Variants in HRH2 observed in about 807,000 individuals in gnomAD.
HRH2 encodes the protein histamine receptor H2.
A neutral mutation model predicts 20.1 loss-of-function variants in HRH2; 4 were observed. The ratio of observed to expected loss-of-function variants is 0.20; its 90% CI spans 0.10 to 0.45. The LOEUF is 0.45. Among genes scored for constraint, HRH2 ranks in the 20% least tolerant of loss-of-function variants. The probability of loss-of-function intolerance (pLI) is 0.99; values close to 1 mark genes in which losing one functional copy is unlikely to be tolerated. For synonymous variants in HRH2, 197 were observed against 200.7 expected (o/e 0.98, Z 0.16); for missense variants, 250 against 461.6 (o/e 0.54, Z 4.20).
rs905449968 is a variant in HRH2 at position 175,693,003 on chromosome 5, A to G, written c.1076+8694A>G. Among the ~76,000 whole-genome samples the G allele has an allele frequency of 1.6e-4, 24 of 152,336 alleles. No individual in the cohort carries two copies. The highest frequency in any genetic ancestry group is 4.6e-4 in the African/African-American group (19 of 41,588). On this transcript the variant is annotated intron_variant, in intron 2 of 2. Coordinates refer to ENST00000636584, the MANE Select transcript of HRH2 (RefSeq NM_001367711.1). This position sits in a 1 kb window ranked among gnomAD's most constrained non-coding sequence, Gnocchi z 4.4. ...CAGGCTGGGCATAGGGCGGGACTGCAGAGAGAGCCCCAGCCATGGGGAGAG... is the reference window on the plus strand; with the variant it reads ...CAGGCTGGGCATAGGGCGGGACTGCGGAGAGAGCCCCAGCCATGGGGAGAG...
intron 1 of HRH2, among the ~76,000 whole-genome samples, chr5:175,660,068 C>T (rs1238667109): frequency 6.6e-6 from 1 of 152,190 alleles, no homozygotes; most frequent in Non-Finnish European, 1.5e-5. Context: ...TGATGATTAA[C>T]TACTGACCCT....
intron 1 of HRH2, among the ~76,000 whole-genome samples, chr5:175,673,501 G>A (rs552081845): frequency 5.3e-4 from 80 of 152,196 alleles, no homozygotes; most frequent in Non-Finnish European, 9.0e-4. Flanking sequence ...AAAGCAGGTC[G>A]GCGGCTGCCA....
At chr5:175,700,731 A>G (rs922200043) in intron 2 of HRH2, among the ~76,000 whole-genome samples, 1 of 152,068 alleles carries the variant, frequency 6.6e-6, no homozygotes, top group South Asian at 2.1e-4. Flanking sequence ...TAAAAATAAT[A>G]AAAAAAATTA....
At chr5:175,701,862 C>G (rs114034781) in intron 2 of HRH2, among the ~76,000 whole-genome samples, 2,424 of 152,308 alleles carry the variant, frequency 0.016, 69 homozygotes, top group African/African-American at 0.055. Context: ...TTATACACAC[C>G]TAGAACCCCG....
intron 1 of HRH2, among the ~76,000 whole-genome samples, chr5:175,676,248 C>A (rs1341730208): frequency 6.6e-6 from 1 of 152,252 alleles, no homozygotes; most frequent in African/African-American, 2.4e-5. Context: ...GTTTTCCAGA[C>A]CCAAGAAAAT....
At chr5:175,667,017 C>CATATATATATATATATATATATATATAT (rs143167989) in intron 1 of HRH2, among the ~76,000 whole-genome samples, 8 of 150,392 alleles carry the variant, frequency 5.3e-5, no homozygotes, top group African/African-American at 2.0e-4. Context: ...CAAATAAAGG[C>CATATATATATATATATATATATATATAT]ATATATATAT....
Position 175,683,606 on chromosome 5 carries a change from C to A in HRH2, c.373C>A (p.Arg125=). 1 of 1,614,224 alleles carries A rather than the reference C, an allele frequency of 6.2e-7. No homozygotes were observed. Among genetic ancestry groups the A allele is most frequent in the Non-Finnish European group, 8.5e-7 (1 of 1,180,050 alleles). ...DRYCAVMDPL[R]YPVLVTPVRV... Reference sequence around the variant, plus strand: ...GTACTGCGCTGTCATGGACCCACTGCGGTACCCTGTGCTGGTCACCCCAGT... The same window carrying A: ...GTACTGCGCTGTCATGGACCCACTGAGGTACCCTGTGCTGGTCACCCCAGT... Residue 125 remains arginine, a synonymous_variant, in exon 2 of 3, where the codon CGG becomes AGG. Coordinates refer to ENST00000636584, the MANE Select transcript of HRH2 (RefSeq NM_001367711.1).
intron 1 of HRH2, among the ~76,000 whole-genome samples, chr5:175,664,290 T>G (rs1374415985): frequency 1.3e-5 from 2 of 152,192 alleles, no homozygotes; most frequent in African/African-American, 4.8e-5. Flanking sequence ...ATTCACACAT[T>G]CAGTCACTCA....
At position 175,709,957 on chromosome 5, in the gene HRH2, T is replaced by A. The variant is rs1757046673; in HGVS notation, c.*1986T>A. On this transcript the variant is annotated 3_prime_UTR_variant, in exon 3 of 3. Transcript: ENST00000636584. ...TCTGGCCCTGCTGTTCTTTTCCTTT[T>A]AGTTTGATTAACTCACTCTGCCCAT... is the stretch of plus-strand genomic sequence containing the variant. 6.6e-6 allele frequency: 1 copy of A among 152,618 alleles called. No individual in the cohort carries two copies. The highest frequency in any genetic ancestry group is 2.4e-5 in the African/African-American group (1 of 41,482). 9.5% of individuals were successfully genotyped at this position (152,618 alleles called of 1,614,324 possible).
chr5:175,683,276 A>G lies in HRH2; in HGVS notation c.43A>G (p.Thr15Ala), dbSNP rs746076760. Reference protein sequence around the residue: ...GTASSFCLDSTACKITITVVL... With the variant: ...GTASSFCLDSAACKITITVVL... ...AGCCTCTTCCTTTTGCCTGGACTCTACCGCATGCAAGATCACCATCACCGT... is the reference window on the plus strand; with the variant it reads ...AGCCTCTTCCTTTTGCCTGGACTCTGCCGCATGCAAGATCACCATCACCGT... The change falls in exon 2 of 3, where the codon ACC (threonine) becomes GCC (alanine). Residue 15 changes from threonine (T) to alanine (A), a missense_variant. By Grantham distance (58) the Thr-to-Ala change is moderately conservative (BLOSUM62 0). Around this residue, in one of 5 missense-constraint regions of HRH2, gnomAD observed 24 missense variants for 22.9 expected, o/e 1.05. Transcript: ENST00000636584. 1.2e-6 allele frequency: 2 copies of G among 1,614,114 alleles called. No individual in the cohort carries two copies. Among genetic ancestry groups the G allele is most frequent in the Non-Finnish European group, 8.5e-7 (1 of 1,180,030 alleles).
At chr5:175,700,800 A>C (rs1017007285) in intron 2 of HRH2, among the ~76,000 whole-genome samples, 1 of 152,182 alleles carries the variant, frequency 6.6e-6, no homozygotes, top group Non-Finnish European at 1.5e-5. Flanking sequence ...AGGGAAGAGA[A>C]TTGCTTGAAC....
intron 2 of HRH2, among the ~76,000 whole-genome samples, chr5:175,698,330 T>C (rs1180426118): frequency 1.3e-5 from 2 of 152,218 alleles, no homozygotes; most frequent in Admixed American, 6.5e-5. Flanking sequence ...GGAAGCAGCA[T>C]GTCACAGTGG....
intron 2 of HRH2, among the ~76,000 whole-genome samples, chr5:175,701,235 A>G (rs899130837): frequency 1.3e-5 from 2 of 152,216 alleles, no homozygotes; most frequent in Admixed American, 1.3e-4. Context: ...TGAACATATT[A>G]TAACACGGTC....
chr5:175,692,115 T>C (rs1385356836), intron 2 of HRH2, among the ~76,000 whole-genome samples: 1 of 152,188 alleles, frequency 6.6e-6, no homozygotes. Flanking sequence ...TAGAAAGCTT[T>C]TCCTGCAAAG....
At chr5:175,690,922 TCTTC>T (rs559291962) in intron 2 of HRH2, among the ~76,000 whole-genome samples, 25 of 152,276 alleles carry the variant, frequency 1.6e-4, no homozygotes, top group Admixed American at 3.3e-4. Context: ...TTCCGTCTTT[TCTTC>T]CTTCGTCCCT....
Position 175,663,645 on chromosome 5 carries a change from C to T in HRH2, c.-526+5490C>T, listed in dbSNP as rs370841103. 5.3e-5 allele frequency among the ~76,000 whole-genome samples: 8 copies of T among 152,244 alleles called. No individual in the cohort carries two copies. The South Asian group carries it at 8.3e-4, about 16-fold the overall frequency. ...TCAAAAGGGCCAGCTCGTTCCCCAC[C>T]GGCCCTTTGTAGTTGCCAGTTCCTC... is the stretch of plus-strand genomic sequence containing the variant. On this transcript the variant is annotated intron_variant, in intron 1 of 2. Transcript: ENST00000636584.
intron 1 of HRH2, among the ~76,000 whole-genome samples, chr5:175,666,629 C>T (rs1187923843): frequency 6.6e-6 from 1 of 152,112 alleles, no homozygotes; most frequent in Non-Finnish European, 1.5e-5. Context: ...CAAGGTTTCA[C>T]CATATTGCCC....
Position 175,683,905 on chromosome 5 carries a change from A to C in HRH2, c.672A>C (p.Ala224=). 6.2e-7 allele frequency: 1 copy of C among 1,614,200 alleles called. No individual in the cohort carries two copies. Among genetic ancestry groups the C allele is most frequent in the Non-Finnish European group, 8.5e-7 (1 of 1,180,042 alleles). The change falls in exon 2 of 3, where the codon GCA becomes GCC. Residue 224 remains alanine, a synonymous_variant. Coordinates refer to ENST00000636584, the MANE Select transcript of HRH2 (RefSeq NM_001367711.1). ...KRINHISSWK[A]ATIREHKATV... is the part of the protein sequence containing the mutation. ...TCAATCACATTAGCTCCTGGAAGGCAGCCACCATCAGGGAGCACAAAGCCA... is the reference window on the plus strand; with the variant it reads ...TCAATCACATTAGCTCCTGGAAGGCCGCCACCATCAGGGAGCACAAAGCCA...
In HRH2 at chr5:175,683,091, C is replaced by CAAAAAAAA. The variant is rs35616765; in HGVS notation, c.-129_-122dup. 2.7e-4 allele frequency: 160 copies of CAAAAAAAA among 583,742 alleles called. No homozygotes were observed. The highest frequency in any genetic ancestry group is 2.0e-3 in the African/African-American group (63 of 30,998). 36.2% of individuals were successfully genotyped at this position (583,742 alleles called of 1,614,324 possible). On this transcript the variant is annotated 5_prime_UTR_variant, in exon 2 of 3. Transcript: ENST00000636584. Reference sequence around the variant, plus strand: ...ATTGAAGCCTTCCCCACCCCCTGGCCAAAAAAAAAAAAAAAAAAAAACTGG... The same window carrying CAAAAAAAA: ...ATTGAAGCCTTCCCCACCCCCTGGCCAAAAAAAAAAAAAAAAAAAAAAAAAAAAACTGG...
Sources: allele counts gnomAD v4.1 joint callset (sites outside exome capture counted in the v4.1 genomes callset), GRCh38; gene constraint gnomAD v4.1.1; regional missense constraint gnomAD v4.1.1; non-coding constraint Gnocchi (gnomAD v3.1); transcripts MANE v1.5; gene names NCBI Gene and HGNC (gene_info 2026-07-23, HGNC 2026-07-21).